The following ADAMTSL1 variants were observed in gnomAD, a reference collection of about 807,000 sequenced individuals.
The protein encoded by ADAMTSL1 is ADAMTS-like protein 1.
In ADAMTSL1, 126 loss-of-function variants were observed where a neutral mutation model predicts 201.8. The observed-to-expected ratio is 0.62, with a 90% CI of 0.54 to 0.72. The LOEUF (loss-of-function observed/expected upper bound fraction) is 0.72. ADAMTSL1 is among the 30% of genes least tolerant of loss of function. The probability of loss-of-function intolerance (pLI) is 0.00; values close to 1 mark genes in which losing one functional copy is unlikely to be tolerated. For synonymous variants in ADAMTSL1, 1,121 were observed against 903.4 expected, an observed-to-expected ratio of 1.24 and a Z score of -4.32; for missense variants, 2,679 against 2,277.8, an observed-to-expected ratio of 1.18 and a Z score of -3.59.
chr9:18,097,595 A>G (rs1254568070), intron 1 of ADAMTSL1, among the ~76,000 whole-genome samples: 2 of 152,176 alleles, frequency 1.3e-5, no homozygotes, highest in Non-Finnish European at 2.9e-5. Context: ...CTGTCTTTCC[A>G]ATTTTCATCA....
intron 1 of ADAMTSL1, among the ~76,000 whole-genome samples, chr9:18,083,271 T>C (rs1392487499): frequency 1.3e-5 from 2 of 152,216 alleles, no homozygotes; most frequent in East Asian, 3.8e-4. Flanking sequence ...GTTCAGACAC[T>C]TTAAAAGCAG....
rs72030473 is a variant in ADAMTSL1 at position 18,267,762 on chromosome 9, TA to T, written c.207+103793del. On this transcript the variant is annotated intron_variant, in intron 2 of 29. Coordinates refer to the ADAMTSL1 transcript ENST00000680146. ...ATTTCTCAGGTTACTCAAAGGCTAT[TA>T]AAAAAAAAAAACAAAAACAAAAACA... is the stretch of plus-strand genomic sequence containing the variant. Among the ~76,000 whole-genome samples, 527 of 125,280 alleles carry T rather than the reference TA, an allele frequency of 4.2e-3. 7 individuals are homozygous for T. The highest frequency in any genetic ancestry group is 7.5e-3 in the Admixed American group (79 of 10,492). 82.2% of individuals were successfully genotyped at this position (125,280 alleles called of 152,430 possible). A position where few individuals can be genotyped will look rare whatever the true frequency, so the allele number is the denominator to read the frequency against.
Position 18,574,218 on chromosome 9 carries a change from G to A in ADAMTSL1, c.426G>A (p.Thr142=), listed in dbSNP as rs777153419. Residue 142 remains threonine, a synonymous_variant, in exon 4 of 29, where the codon ACG becomes ACA. Transcript: ENST00000380548. Reference sequence around the variant, plus strand: ...TAGCACCTAAGGTCTTAGATGGTACGCGTTGCTATACAGAATCTTTGGATA... The same window carrying A: ...TAGCACCTAAGGTCTTAGATGGTACACGTTGCTATACAGAATCTTTGGATA... ...VELAPKVLDG[T]RCYTESLDMC... is the part of the protein sequence containing the mutation. The A allele has an allele frequency of 2.5e-5, 41 of 1,614,144 alleles. No individual in the cohort carries two copies. The highest frequency in any genetic ancestry group is 8.0e-5 in the African/African-American group (6 of 75,046).
At chr9:18,104,767 G>A (rs772778037) in intron 1 of ADAMTSL1, among the ~76,000 whole-genome samples, 1 of 152,026 alleles carries the variant, frequency 6.6e-6, no homozygotes, top group African/African-American at 2.4e-5. Context: ...AATTTTAAAA[G>A]AGCTGAAATG....
chr9:18,220,793 T>A (rs79159436), intron 2 of ADAMTSL1, among the ~76,000 whole-genome samples: 1 of 151,818 alleles, frequency 6.6e-6, no homozygotes, highest in African/African-American at 2.4e-5. Context: ...TTTTTTTTTT[T>A]AAACAGAGTC....
intron 1 of ADAMTSL1, among the ~76,000 whole-genome samples, chr9:18,097,932 T>C (rs931412268): frequency 2.0e-5 from 3 of 152,012 alleles, no homozygotes; most frequent in African/African-American, 7.2e-5. Context: ...TTTTTTCCTA[T>C]GCTTTTTCCA....
intron 2 of ADAMTSL1, among the ~76,000 whole-genome samples, chr9:18,206,136 T>C (rs1829640173): frequency 1.3e-5 from 2 of 151,094 alleles, no homozygotes; most frequent in Admixed American, 6.6e-5. Flanking sequence ...ATGAGTTTTA[T>C]GTTATCTTAT....
At chr9:18,447,283 C>T (rs534528795) in intron 2 of ADAMTSL1, among the ~76,000 whole-genome samples, 1 of 152,300 alleles carries the variant, frequency 6.6e-6, no homozygotes, top group South Asian at 2.1e-4. Context: ...AATTCTACTA[C>T]AGAGCAAAGA....
At chr9:17,999,628 A>C (rs2131526291) in intron 1 of ADAMTSL1, among the ~76,000 whole-genome samples, 1 of 150,920 alleles carries the variant, frequency 6.6e-6, no homozygotes, top group South Asian at 2.1e-4. Flanking sequence ...TTATACTTTA[A>C]GTTTTAGGGT....
At position 18,568,857 on chromosome 9, in the gene ADAMTSL1, G is replaced by A. The variant is rs1822109675; in HGVS notation, c.238-5173G>A. On this transcript the variant is annotated intron_variant, in intron 3 of 28. Transcript: ENST00000380548. The stretch of plus-strand genomic sequence containing the variant: ...TTAATAGGATGGCACTCATATAATA[G>A]GTTAAATGAAACAACAAAATTAATA... Among the ~76,000 whole-genome samples the A allele has an allele frequency of 2.0e-5, 3 of 151,778 alleles. No individual in the cohort carries two copies. The South Asian group carries it at 6.2e-4, about 32-fold the overall frequency.
chr9:18,385,902 C>T (rs1010315625), intron 2 of ADAMTSL1, among the ~76,000 whole-genome samples: 19 of 152,130 alleles, frequency 1.2e-4, no homozygotes, highest in South Asian at 4.1e-4. Flanking sequence ...GTGAGAATGT[C>T]GGTTACTCAT....
chr9:18,885,308 A>G (rs547256201), intron 23 of ADAMTSL1, among the ~76,000 whole-genome samples: 1 of 152,330 alleles, frequency 6.6e-6, no homozygotes, highest in South Asian at 2.1e-4. Flanking sequence ...ATGAGGACAG[A>G]GCCCTCATGG....
At chr9:18,324,854 A>T (rs1044391933) in intron 2 of ADAMTSL1, among the ~76,000 whole-genome samples, 1 of 152,150 alleles carries the variant, frequency 6.6e-6, no homozygotes, top group African/African-American at 2.4e-5. Context: ...GCCACATACT[A>T]AGGGGAAATA....
chr9:18,377,159 T>C (rs572283641), intron 2 of ADAMTSL1, among the ~76,000 whole-genome samples: 27 of 152,324 alleles, frequency 1.8e-4, no homozygotes, highest in Admixed American at 3.3e-4. Context: ...TTGGATTATA[T>C]GGGTTCAAGC....
intron 2 of ADAMTSL1, among the ~76,000 whole-genome samples, chr9:18,366,388 G>C (rs754332656): frequency 7.9e-5 from 12 of 151,552 alleles, no homozygotes; most frequent in Non-Finnish European, 1.6e-4. Context: ...CCCTGTTTCT[G>C]TTCCCCTTTC....
At chr9:18,045,939 G>C (rs546818488) in intron 1 of ADAMTSL1, among the ~76,000 whole-genome samples, 1 of 152,184 alleles carries the variant, frequency 6.6e-6, no homozygotes, top group East Asian at 1.9e-4. Flanking sequence ...AGACAGAAAG[G>C]GTAAACACTG....
At chr9:18,773,934 C>T (rs981458640) in intron 17 of ADAMTSL1, among the ~76,000 whole-genome samples, 1 of 152,216 alleles carries the variant, frequency 6.6e-6, no homozygotes, top group Non-Finnish European at 1.5e-5. Flanking sequence ...ACTATAAAAG[C>T]AATGGGTTTG....
intron 2 of ADAMTSL1, among the ~76,000 whole-genome samples, chr9:18,191,615 G>A (rs1245825779): frequency 6.6e-6 from 1 of 152,182 alleles, no homozygotes; most frequent in African/African-American, 2.4e-5. Context: ...TTGGCAAGAA[G>A]ACTTCTTCCC....
At chr9:17,935,220 A>G (rs1346435722) in intron 1 of ADAMTSL1, among the ~76,000 whole-genome samples, 2 of 151,996 alleles carry the variant, frequency 1.3e-5, no homozygotes, top group East Asian at 3.9e-4. Context: ...TCTTCCTGGA[A>G]GTCTTTGATT....
Sources: allele counts gnomAD v4.1 joint callset (sites outside exome capture counted in the v4.1 genomes callset), GRCh38; gene constraint gnomAD v4.1.1; transcripts MANE v1.5; gene names NCBI Gene and HGNC (gene_info 2026-07-23, HGNC 2026-07-21).